RXRA: variants seen among roughly 807,000 people sequenced by gnomAD.
RXRA encodes retinoid X receptor alpha.
RXRA carries 5 observed loss-of-function variants against 44.5 expected under a neutral mutation model. The ratio of observed to expected loss-of-function variants is 0.11; its 90% CI spans 0.06 to 0.24. The LOEUF (loss-of-function observed/expected upper bound fraction) is 0.24, where lower values mean the gene tolerates loss of function less well. Ranked by LOEUF, RXRA falls within the 10% of genes least tolerant of loss-of-function variation. The probability of loss-of-function intolerance (pLI) is 1.00; values close to 1 mark genes in which losing one functional copy is unlikely to be tolerated. For missense variants in RXRA, 412 were observed against 646.5 expected (o/e 0.64, Z 3.93); for synonymous variants, 291 against 271.4 (o/e 1.07, Z -0.71).
intron 1 of RXRA, among the ~76,000 whole-genome samples, chr9:134,340,268 C>T (rs1554747970): frequency 6.6e-6 from 1 of 152,148 alleles, no homozygotes; most frequent in African/African-American, 2.4e-5. Context: ...GCTCGGGGTC[C>T]AGGACAGGAG....
intron 1 of RXRA, among the ~76,000 whole-genome samples, chr9:134,377,177 C>T (rs1160393217): frequency 6.6e-6 from 1 of 152,246 alleles, no homozygotes; most frequent in Non-Finnish European, 1.5e-5. Context: ...TACCCATTCT[C>T]ACCCTGTCTG....
At chr9:134,345,206 G>A (rs908352121) in intron 1 of RXRA, among the ~76,000 whole-genome samples, 2 of 152,296 alleles carry the variant, frequency 1.3e-5, no homozygotes, top group Non-Finnish European at 1.5e-5. Context: ...GGTCCCCACC[G>A]GATTAGTGAG....
Position 134,417,225 on chromosome 9 carries a change from C to T in RXRA, c.678C>T (p.Ala226=). 1 of 1,613,802 alleles carries T rather than the reference C, an allele frequency of 6.2e-7. No homozygotes were observed. Among genetic ancestry groups the T allele is most frequent in the Middle Eastern group, 1.7e-4 (1 of 6,060 alleles). The change falls in exon 5 of 10, where the codon GCC becomes GCT. Residue 226 remains alanine (A), a synonymous_variant. Coordinates refer to ENST00000481739, the MANE Select transcript of RXRA (RefSeq NM_002957.6). The surrounding 1 kb of genome is among the most constrained non-coding windows in gnomAD (Gnocchi z 6.1). The stretch of plus-strand genomic sequence containing the variant: ...ATGAGGTGGAGTCGACCAGCAGCGC[C>T]AACGAGGACATGCCGGTGGAGAGGA... ...NENEVESTSS[A]NEDMPVERIL...
rs1830415133 is a variant in RXRA, at chr9:134,366,391, G to C, written c.29-35241G>C. On this transcript the variant is annotated intron_variant, in intron 1 of 9. Transcript: ENST00000481739. The surrounding 1 kb of genome is among the most constrained non-coding windows in gnomAD (Gnocchi z 5.9). The stretch of plus-strand genomic sequence containing the variant: ...TGCACGTGATCTCAGACGGTTCCCA[G>C]CTTCCTCTGCAGGGCGGGGCTGCTC... Among the ~76,000 whole-genome samples the C allele has an allele frequency of 6.6e-6, 1 of 152,162 alleles. No individual in the cohort carries two copies. The highest frequency in any genetic ancestry group is 1.5e-5 in the Non-Finnish European group (1 of 68,024).
intron 9 of RXRA, among the ~76,000 whole-genome samples, chr9:134,435,890 C>T (rs560586437): frequency 6.6e-6 from 1 of 152,214 alleles, no homozygotes. Flanking sequence ...TTTTGAGAGA[C>T]AGTCTGGCTG....
chr9:134,401,384 C>T (rs543663287), intron 1 of RXRA: 128 of 565,644 alleles, frequency 2.3e-4, no homozygotes, highest in African/African-American at 2.0e-3. Flanking sequence ...GTTCTTCCTG[C>T]GTCTGCCGCA....
At chr9:134,372,751 G>A (rs1461657065) in intron 1 of RXRA, among the ~76,000 whole-genome samples, 2 of 152,230 alleles carry the variant, frequency 1.3e-5, no homozygotes, top group Admixed American at 1.3e-4. Context: ...GAGGGTGGCA[G>A]CACAGGGCCC....
chr9:134,430,655 G>C (rs1470529939), intron 7 of RXRA, among the ~76,000 whole-genome samples: 1 of 152,198 alleles, frequency 6.6e-6, no homozygotes, highest in African/African-American at 2.4e-5. Context: ...CACGGGGGCT[G>C]CAGGGTGCAG....
At chr9:134,393,421 C>T (rs948975491) in intron 1 of RXRA, among the ~76,000 whole-genome samples, 1 of 152,180 alleles carries the variant, frequency 6.6e-6, no homozygotes, top group African/African-American at 2.4e-5. Context: ...CTCTTCTGAA[C>T]CATGGTGGTT....
chr9:134,353,298 C>T (rs2119047331), intron 1 of RXRA, among the ~76,000 whole-genome samples: 1 of 152,214 alleles, frequency 6.6e-6, no homozygotes, highest in South Asian at 2.1e-4. Flanking sequence ...CCCTGGTGTG[C>T]AGAGGTGGGA....
At chr9:134,394,997 C>G (rs772759230) in intron 1 of RXRA, among the ~76,000 whole-genome samples, 15 of 152,228 alleles carry the variant, frequency 9.9e-5, no homozygotes, top group African/African-American at 2.4e-4. Context: ...TTGAGGGTCT[C>G]TTGGTCACGT....
In RXRA at chr9:134,363,787, G is replaced by A. The variant is rs529519760; in HGVS notation, c.28+37128G>A. Among the ~76,000 whole-genome samples the A allele has an allele frequency of 2.2e-4, 33 of 152,318 alleles. No individual in the cohort carries two copies. The South Asian group carries it at 5.8e-3, about 27-fold the overall frequency. Reference sequence around the variant, plus strand: ...CCCTGAGCATGGGGACCCCAGGGCCGGAGGTGCGACCTGAGCATGGGGATC... The same window carrying A: ...CCCTGAGCATGGGGACCCCAGGGCCAGAGGTGCGACCTGAGCATGGGGATC... On this transcript the variant is annotated intron_variant, in intron 1 of 9. Coordinates refer to ENST00000481739, the MANE Select transcript of RXRA (RefSeq NM_002957.6).
rs536754353 is a variant in RXRA at position 134,398,042 on chromosome 9, C to T, written c.29-3590C>T. ...TCACCCAGGCTGGAGTGCGATGGCG[C>T]GATCTCTGCTTACTGCAACCTCCGC... On this transcript the variant is annotated intron_variant, in intron 1 of 9. Coordinates refer to ENST00000481739, the MANE Select transcript of RXRA (RefSeq NM_002957.6). Among the ~76,000 whole-genome samples the T allele has an allele frequency of 6.6e-5, 10 of 152,056 alleles. No individual in the cohort carries two copies. The East Asian group carries it at 1.4e-3, about 21-fold the overall frequency.
intron 6 of RXRA, 59 bp from the exon 7 acceptor site, chr9:134,429,049 G>A: frequency 6.3e-7 from 1 of 1,598,442 alleles, no homozygotes; most frequent in Non-Finnish European, 8.5e-7. Flanking sequence ...AGGGGCTGGG[G>A]AAGGGGCGAG....
chr9:134,329,267 CG>C (rs535539126), intron 1 of RXRA, among the ~76,000 whole-genome samples: 47 of 152,212 alleles, frequency 3.1e-4, no homozygotes, highest in Non-Finnish European at 5.6e-4. Flanking sequence ...GAGCACATTC[CG>C]GGGCCTCCCG....
Position 134,343,577 on chromosome 9 carries a change from G to A in RXRA, c.28+16918G>A, listed in dbSNP as rs1283450196. Among the ~76,000 whole-genome samples, 3 of 152,070 alleles carry A rather than the reference G, an allele frequency of 2.0e-5. No individual in the cohort carries two copies. The highest frequency in any genetic ancestry group is 7.2e-5 in the African/African-American group (3 of 41,384). On this transcript the variant is annotated intron_variant, in intron 1 of 9. Coordinates refer to ENST00000481739, the MANE Select transcript of RXRA (RefSeq NM_002957.6). The surrounding 1 kb of genome is among the most constrained non-coding windows in gnomAD (Gnocchi z 4.1). ...CCATCCTAGGACCTAGAAATTGCTC[G>A]GGGCCAGGAAGCGAGACCAGTCACT...
chr9:134,352,133 A>G (rs1227127240), intron 1 of RXRA, among the ~76,000 whole-genome samples: 1 of 151,852 alleles, frequency 6.6e-6, no homozygotes, highest in Non-Finnish European at 1.5e-5. Context: ...CAGCAAGGGG[A>G]GGGTTCTGGG....
intron 4 of RXRA, among the ~76,000 whole-genome samples, chr9:134,409,960 G>A (rs1192541021): frequency 1.3e-5 from 2 of 152,190 alleles, no homozygotes; most frequent in African/African-American, 4.8e-5. Flanking sequence ...ACACCTGTGT[G>A]GCTGGTGTGT....
chr9:134,393,219 G>A (rs1830826328), intron 1 of RXRA, among the ~76,000 whole-genome samples: 1 of 151,804 alleles, frequency 6.6e-6, no homozygotes, highest in African/African-American at 2.4e-5. Flanking sequence ...TCTTCTCCCT[G>A]TAGCACTGGG....
Sources: gnomAD v4.1 joint callset for allele counts (sites outside exome capture counted in the v4.1 genomes callset) on GRCh38, gnomAD v4.1.1 for gene constraint, Gnocchi (gnomAD v3.1) non-coding constraint, MANE v1.5 for transcripts, NCBI Gene and HGNC (gene_info 2026-07-23, HGNC 2026-07-21) for gene names.